The following CLIP2 variants were observed in gnomAD, a reference collection of about 807,000 sequenced individuals.
CLIP2 encodes the protein CAP-Gly domain-containing linker protein 2.
CLIP2 carries 41 observed loss-of-function variants against 111.7 expected under a neutral mutation model. The observed-to-expected ratio is 0.37, with a 90% CI of 0.29 to 0.48. CLIP2 has a LOEUF of 0.48. Among genes scored for constraint, CLIP2 ranks in the 20% least tolerant of loss-of-function variants. The pLI is 0.99. For missense variants in CLIP2, 1,160 were observed against 1,422.1 expected (o/e 0.82, Z 2.96); for synonymous variants, 660 against 644.2 (o/e 1.02, Z -0.37).
Position 74,397,208 on chromosome 7 carries a change from G to A in CLIP2, c.2855G>A (p.Gly952Asp), listed in dbSNP as rs928152623. 1 of 1,613,812 alleles carries A rather than the reference G, an allele frequency of 6.2e-7. No individual in the cohort carries two copies. The change falls in exon 14 of 17, where the codon GGC (glycine) becomes GAC (aspartate). Residue 952 changes from glycine (G) to aspartate (D), a missense_variant. Physicochemically the swap from Gly to Asp is moderately conservative, Grantham distance 94 (BLOSUM62 -1). This residue lies in a region of CLIP2 where 676 missense variants were observed against 777.8 expected (regional missense o/e 0.87). Transcript: ENST00000223398. ...CAGAAACTCAAGGATGACATCCGGG[G>A]CCTGCGTGAAAAGCTGACCGGGCTG... ...KEQKLKDDIR[G>D]LREKLTGLDK...
intron 8 of CLIP2, among the ~76,000 whole-genome samples, chr7:74,372,543 A>G (rs946468961): frequency 6.6e-6 from 1 of 151,684 alleles, no homozygotes. Context: ...CCTCCCCAGG[A>G]GCAGATCCTT....
intron 13 of CLIP2, among the ~76,000 whole-genome samples, chr7:74,389,897 C>A (rs1489542383): frequency 1.7e-4 from 25 of 143,686 alleles, no homozygotes; most frequent in African/African-American, 5.4e-4. Flanking sequence ...AAGACTCCAT[C>A]TCAAAAAAAT....
In CLIP2 at chr7:74,405,780, C is replaced by G; in HGVS notation, c.*1932C>G. The G allele has an allele frequency of 6.6e-6, 1 of 152,642 alleles. No individual in the cohort carries two copies. Among genetic ancestry groups the G allele is most frequent in the Non-Finnish European group, 1.5e-5 (1 of 68,078 alleles). 9.5% of individuals were successfully genotyped at this position (152,642 alleles called of 1,614,324 possible). A position where few individuals can be genotyped will look rare whatever the true frequency, so the allele number is the denominator to read the frequency against. On this transcript the variant is annotated 3_prime_UTR_variant, in exon 17 of 17. Transcript: ENST00000223398. Reference sequence around the variant, plus strand: ...CGGTTTCCTTGGGAGCTTCTGCCTCCGTGGGCCTCTCAGCCCGCCCCGTGT... The same window carrying G: ...CGGTTTCCTTGGGAGCTTCTGCCTCGGTGGGCCTCTCAGCCCGCCCCGTGT...
intron 1 of CLIP2, among the ~76,000 whole-genome samples, chr7:74,306,328 C>T (rs532044697): frequency 5.3e-5 from 8 of 152,152 alleles, no homozygotes; most frequent in African/African-American, 9.7e-5. Context: ...CTGGGACCCC[C>T]GAGGGCCCTG....
intron 2 of CLIP2, among the ~76,000 whole-genome samples, chr7:74,320,467 A>C (rs1385223682): frequency 6.6e-6 from 1 of 152,102 alleles, no homozygotes; most frequent in African/African-American, 2.4e-5. Flanking sequence ...GGCTGCGGTG[A>C]GTTTTGATCA....
At position 74,317,637 on chromosome 7, in the gene CLIP2, TCGG is replaced by T. The variant is rs782205430; in HGVS notation, c.98_100del (p.Ala33del). The T allele has an allele frequency of 2.0e-6, 3 of 1,518,372 alleles. No homozygotes were observed. Among genetic ancestry groups the T allele is most frequent in the East Asian group, 2.6e-5 (1 of 39,120 alleles). 94.1% of individuals were successfully genotyped at this position (1,518,372 alleles called of 1,614,324 possible). On this transcript the variant is annotated inframe_deletion, in exon 2 of 17. Transcript: ENST00000223398. ...GACATCTACTGGGTCAGCTTCATCC[TCGG>T]CGGCGGTGGCCGCTAGCTCCAAGGA...
chr7:74,313,022 GA>G (rs1287297531), intron 1 of CLIP2, among the ~76,000 whole-genome samples: 39 of 144,292 alleles, frequency 2.7e-4, no homozygotes, highest in Admixed American at 4.2e-4. Flanking sequence ...ATAGGTTTAG[GA>G]AAAAAAAAAA....
chr7:74,394,246 T>TTC (rs1791380828), intron 13 of CLIP2, among the ~76,000 whole-genome samples: 1 of 126,190 alleles, frequency 7.9e-6, no homozygotes, highest in African/African-American at 3.1e-5. Flanking sequence ...TTTCTTCTTA[T>TTC]TTTTTTTTTT....
At chr7:74,358,888 TC>T (rs1294799737) in intron 6 of CLIP2, among the ~76,000 whole-genome samples, 1 of 152,112 alleles carries the variant, frequency 6.6e-6, no homozygotes, top group Non-Finnish European at 1.5e-5. Flanking sequence ...CATCTTGATG[TC>T]TGCATTGCTG....
intron 1 of CLIP2, among the ~76,000 whole-genome samples, chr7:74,307,859 C>T (rs1361255382): frequency 6.6e-6 from 1 of 152,020 alleles, no homozygotes; most frequent in Admixed American, 6.6e-5. Context: ...ATTTTGGGAG[C>T]GTTCCCTGGG....
In CLIP2 at chr7:74,338,674, G is replaced by A. The variant is rs782385621; in HGVS notation, c.348G>A (p.Pro116=). The A allele has an allele frequency of 1.9e-5, 30 of 1,579,710 alleles. No individual in the cohort carries two copies. The highest frequency in any genetic ancestry group is 9.3e-5 in the East Asian group (4 of 42,940). The change falls in exon 3 of 17, where the codon CCG becomes CCA. Residue 116 remains proline (P), a synonymous_variant. Transcript: ENST00000223398. This position sits in a 1 kb window ranked among gnomAD's most constrained non-coding sequence, Gnocchi z 4.3. ...GGGCTGGCGTGGTGCTGGACGACCCGGTGGGCAAGAATGATGGCGCGGTGG... is the reference window on the plus strand; with the variant it reads ...GGGCTGGCGTGGTGCTGGACGACCCAGTGGGCAAGAATGATGGCGCGGTGG... ...GQWAGVVLDD[P]VGKNDGAVGG...
chr7:74,379,789 C>T (rs1272747351), intron 10 of CLIP2, among the ~76,000 whole-genome samples: 1 of 150,984 alleles, frequency 6.6e-6, no homozygotes, highest in African/African-American at 2.4e-5. Context: ...AAAAAAACCC[C>T]AAAATTAGCT....
intron 2 of CLIP2, among the ~76,000 whole-genome samples, chr7:74,332,460 C>CTCTTT (rs1554731468): frequency 9.1e-5 from 10 of 110,324 alleles, no homozygotes; most frequent in East Asian, 2.6e-4. Context: ...CTAGAATTCT[C>CTCTTT]TTTTTTTTTT....
At chr7:74,368,472 G>A (rs1284750165) in intron 8 of CLIP2, among the ~76,000 whole-genome samples, 3 of 151,710 alleles carry the variant, frequency 2.0e-5, no homozygotes, top group East Asian at 3.9e-4. Flanking sequence ...AGCCGAGATC[G>A]CGTCATTGCA....
chr7:74,376,844 T>C lies in CLIP2; in HGVS notation c.2421+22T>C. On this transcript the variant is annotated intron_variant, in intron 10 of 16. Coordinates refer to ENST00000223398, the MANE Select transcript of CLIP2 (RefSeq NM_003388.5). This position sits in a 1 kb window ranked among gnomAD's most constrained non-coding sequence, Gnocchi z 7.1. ...CCACGTAGGCGCCTGCCCCTCCTGC[T>C]GGGGCGGGAGGGTCGGGCTGGGGAG... 6.5e-7 allele frequency: 1 copy of C among 1,540,518 alleles called. No homozygotes were observed. Among genetic ancestry groups the C allele is most frequent in the Non-Finnish European group, 8.7e-7 (1 of 1,143,174 alleles).
chr7:74,357,429 C>A lies in CLIP2; in HGVS notation c.1167C>A (p.Ile389=), dbSNP rs578101035. Residue 389 remains isoleucine (I), a synonymous_variant, in exon 6 of 17, where the codon ATC becomes ATA. Transcript: ENST00000223398. Reference sequence around the variant, plus strand: ...AGGTGGCCAAGGCCACAAGCCACATCTGCGAGGTGGAGAAGGAGATTGCCC... The same window carrying A: ...AGGTGGCCAAGGCCACAAGCCACATATGCGAGGTGGAGAAGGAGATTGCCC... The part of the protein sequence containing the change: ...RAEVAKATSH[I]CEVEKEIALL... 14 of 1,614,132 alleles carry A rather than the reference C, an allele frequency of 8.7e-6. No individual in the cohort carries two copies. The East Asian group carries it at 3.1e-4, about 36-fold the overall frequency.
intron 6 of CLIP2, among the ~76,000 whole-genome samples, chr7:74,358,934 G>A (rs1170993618): frequency 3.9e-5 from 6 of 151,958 alleles, no homozygotes; most frequent in South Asian, 2.1e-4. Context: ...GACATCTGAC[G>A]TGACTAGTCC....
intron 2 of CLIP2, among the ~76,000 whole-genome samples, chr7:74,327,256 C>T (rs1789139324): frequency 6.6e-6 from 1 of 152,108 alleles, no homozygotes; most frequent in African/African-American, 2.4e-5. Context: ...GCATGTGCCA[C>T]CACACTCAGC....
chr7:74,323,410 T>C (rs1473177309), intron 2 of CLIP2, among the ~76,000 whole-genome samples: 1 of 151,696 alleles, frequency 6.6e-6, no homozygotes, highest in African/African-American at 2.4e-5. Flanking sequence ...AGATATCTTT[T>C]TTTTTCCTTT....
Sources: allele counts gnomAD v4.1 joint callset (sites outside exome capture counted in the v4.1 genomes callset), GRCh38; gene constraint gnomAD v4.1.1; regional missense constraint gnomAD v4.1.1; non-coding constraint Gnocchi (gnomAD v3.1); transcripts MANE v1.5; gene names NCBI Gene and HGNC (gene_info 2026-07-23, HGNC 2026-07-21).